Variants in CAMK2G observed in about 807,000 individuals in gnomAD.
CAMK2G encodes the protein calcium/calmodulin dependent protein kinase II gamma.
In CAMK2G, 23 loss-of-function variants were observed where a neutral mutation model predicts 88.7. The ratio of observed to expected loss-of-function variants is 0.26; its 90% CI spans 0.19 to 0.37. The LOEUF is 0.37. CAMK2G is among the 10% of genes least tolerant of loss of function. CAMK2G has a pLI of 1.00. For synonymous variants in CAMK2G, 263 were observed against 294.8 expected (o/e 0.89, Z 1.11); for missense variants, 476 against 780.8 (o/e 0.61, Z 4.65).
rs1165519031 is a variant in CAMK2G at position 73,814,026 on chromosome 10, A to G, written c.*492T>C. ...GCAAGTTCCAAAGAAGTTCATTCCTAGACCTGGGGTAAGCAGGCCACCTCA... is the reference window on the plus strand; with the variant it reads ...GCAAGTTCCAAAGAAGTTCATTCCTGGACCTGGGGTAAGCAGGCCACCTCA... On this transcript the variant is annotated 3_prime_UTR_variant, in exon 23 of 23. Coordinates refer to ENST00000423381, the MANE Select transcript of CAMK2G (RefSeq NM_001367534.1). The G allele has an allele frequency of 6.6e-6, 1 of 152,444 alleles. No individual in the cohort carries two copies. The highest frequency in any genetic ancestry group is 1.5e-5 in the Non-Finnish European group (1 of 68,040). The allele number at this position is 152,444 out of a possible 1,614,324, so 9.4% of individuals were successfully genotyped here. A position where few individuals can be genotyped will look rare whatever the true frequency, so the allele number is the denominator to read the frequency against.
chr10:73,822,793 T>A (rs1033864895), intron 17 of CAMK2G, among the ~76,000 whole-genome samples: 1 of 152,132 alleles, frequency 6.6e-6, no homozygotes, highest in Non-Finnish European at 1.5e-5. Flanking sequence ...AGATATCACC[T>A]CCTGAAAGAA....
At position 73,839,697 on chromosome 10, in the gene CAMK2G, G is replaced by T; in HGVS notation, c.947-96C>A. On this transcript the variant is annotated intron_variant, in intron 12 of 22. Coordinates refer to ENST00000423381, the MANE Select transcript of CAMK2G (RefSeq NM_001367534.1). This position sits in a 1 kb window ranked among gnomAD's most constrained non-coding sequence, Gnocchi z 4.2. The stretch of plus-strand genomic sequence containing the variant: ...CAGCGCGAGGCGCAGCCCAGGCGGC[G>T]TGGCCAAGCCAGCCGAGCTGGGGGA... 1.3e-6 allele frequency: 1 copy of T among 759,862 alleles called. No individual in the cohort carries two copies. The highest frequency in any genetic ancestry group is 1.8e-6 in the Non-Finnish European group (1 of 556,716). The allele number at this position is 759,862 out of a possible 1,614,324, so 47.1% of individuals were successfully genotyped here.
chr10:73,854,437 G>A (rs576517103), intron 3 of CAMK2G, among the ~76,000 whole-genome samples: 103 of 152,278 alleles, frequency 6.8e-4, no homozygotes, highest in Non-Finnish European at 4.1e-4. Context: ...AAACGACTCC[G>A]CTTTGGCTGA....
At chr10:73,872,257 A>G (rs929665693) in intron 2 of CAMK2G, among the ~76,000 whole-genome samples, 1 of 152,134 alleles carries the variant, frequency 6.6e-6, no homozygotes, top group African/African-American at 2.4e-5. Context: ...GGTACTTGGG[A>G]GGATCTCGCA....
Position 73,847,265 on chromosome 10 carries a change from C to T in CAMK2G, c.779G>A (p.Arg260His), listed in dbSNP as rs1219505515. Residue 260 changes from arginine (R) to histidine (H), a missense_variant, in exon 10 of 23, where the codon CGC (arginine) becomes CAC (histidine). By Grantham distance (29) the Arg-to-His change is conservative. Around this residue, in one of 3 missense-constraint regions of CAMK2G, gnomAD observed 164 missense variants for 385.6 expected, o/e 0.43. Coordinates refer to ENST00000423381, the MANE Select transcript of CAMK2G (RefSeq NM_001367534.1). ...NQMLTINPAK[R>H]ITADQALKHP... ...CTTGAGAGCCTGGTCAGCCGTGATG[C>T]GCTTTGCTGGGTTTATGGTCAGCAT... The T allele has an allele frequency of 1.9e-6, 3 of 1,614,052 alleles. No individual in the cohort carries two copies. Among genetic ancestry groups the T allele is most frequent in the Non-Finnish European group, 2.5e-6 (3 of 1,180,026 alleles).
Position 73,848,953 on chromosome 10 carries a change from C to T in CAMK2G, c.517+60G>A, listed in dbSNP as rs978062818. 9.5e-7 allele frequency: 1 copy of T among 1,055,220 alleles called. No individual in the cohort carries two copies. Among genetic ancestry groups the T allele is most frequent in the African/African-American group, 1.6e-5 (1 of 64,478 alleles). The allele number at this position is 1,055,220 out of a possible 1,614,324, so 65.4% of individuals were successfully genotyped here. On this transcript the variant is annotated intron_variant, in intron 7 of 22. Coordinates refer to ENST00000423381, the MANE Select transcript of CAMK2G (RefSeq NM_001367534.1). The surrounding 1 kb of genome is among the most constrained non-coding windows in gnomAD (Gnocchi z 4.5). ...GGCTTCTAGTTCTAATAGAGGAAGG[C>T]AGATCAGGAAGAGGAGGAAGGGCGG... is the stretch of plus-strand genomic sequence containing the variant.
At position 73,856,751 on chromosome 10, in the gene CAMK2G, C is replaced by G. The variant is rs758375117; in HGVS notation, c.221-3505G>C. ...GGAGTATAAAGCATTTACTGCATTT[C>G]AGCAACAAACCTAATTGCTGTTCTT... On this transcript the variant is annotated intron_variant, in intron 3 of 22. Coordinates refer to ENST00000423381, the MANE Select transcript of CAMK2G (RefSeq NM_001367534.1). Among the ~76,000 whole-genome samples, 4 of 152,238 alleles carry G rather than the reference C, an allele frequency of 2.6e-5. 1 individual carries two copies. The East Asian group carries it at 7.7e-4, about 29-fold the overall frequency.
intron 3 of CAMK2G, among the ~76,000 whole-genome samples, chr10:73,860,042 T>C (rs1398357714): frequency 6.6e-6 from 1 of 152,194 alleles, no homozygotes; most frequent in Non-Finnish European, 1.5e-5. Context: ...TAGGAGATGC[T>C]CCTTGCTCTG....
intron 16 of CAMK2G, 36 bp downstream of exon 16, chr10:73,825,243 A>G (rs1197634633): frequency 2.4e-5 from 36 of 1,497,034 alleles, no homozygotes; most frequent in Non-Finnish European, 3.4e-5. Context: ...GGAGGCAGCC[A>G]GGGTCAGAGG....
At chr10:73,855,266 T>C (rs1254780861) in intron 3 of CAMK2G, among the ~76,000 whole-genome samples, 1 of 152,194 alleles carries the variant, frequency 6.6e-6, no homozygotes, top group Admixed American at 6.5e-5. Context: ...GCTCCCTCGC[T>C]TCCAAAAGGA....
intron 9 of CAMK2G, among the ~76,000 whole-genome samples, 189 bp downstream of exon 9, chr10:73,847,799 A>G (rs1409173683): frequency 1.3e-5 from 2 of 152,234 alleles, no homozygotes; most frequent in Admixed American, 6.5e-5. Context: ...AGGCTGTGCA[A>G]AAGAAAGTTG....
intron 2 of CAMK2G, among the ~76,000 whole-genome samples, chr10:73,868,753 C>G (rs2095688440): frequency 6.6e-6 from 1 of 152,144 alleles, no homozygotes; most frequent in African/African-American, 2.4e-5. Flanking sequence ...GGAGATACCA[C>G]AGGGGACACA....
At chr10:73,825,731 C>T (rs2090720748) in intron 15 of CAMK2G, among the ~76,000 whole-genome samples, 1 of 152,240 alleles carries the variant, frequency 6.6e-6, no homozygotes, top group Admixed American at 6.5e-5. Flanking sequence ...AATTCAGAAA[C>T]TCTGGTCCCC....
intron 3 of CAMK2G, 74 bp from the exon 4 acceptor site, chr10:73,853,320 C>T: frequency 1.5e-6 from 2 of 1,313,992 alleles, no homozygotes; most frequent in South Asian, 2.4e-5. Context: ...CTCAGCAGCC[C>T]CACCCCTGCC....
At chr10:73,854,339 G>C (rs1243726465) in intron 3 of CAMK2G, among the ~76,000 whole-genome samples, 1 of 152,124 alleles carries the variant, frequency 6.6e-6, no homozygotes, top group Non-Finnish European at 1.5e-5. Flanking sequence ...AAACCAACCT[G>C]AAGTCTTCTG....
At position 73,842,087 on chromosome 10, in the gene CAMK2G, C is replaced by G. The variant is rs2093836205; in HGVS notation, c.946+82G>C. ...GTGTGGCCCAGGACGCCGAGGAAAC[C>G]CAGCGGTGCCCGGGATGGCAACAGC... On this transcript the variant is annotated intron_variant, in intron 12 of 22. Transcript: ENST00000423381. The surrounding 1 kb of genome is among the most constrained non-coding windows in gnomAD (Gnocchi z 4.6). The G allele has an allele frequency of 1.8e-6, 2 of 1,139,600 alleles. No individual in the cohort carries two copies. The highest frequency in any genetic ancestry group is 2.7e-6 in the Non-Finnish European group (2 of 747,262). 70.6% of individuals were successfully genotyped at this position (1,139,600 alleles called of 1,614,324 possible). A position where few individuals can be genotyped will look rare whatever the true frequency, so the allele number is the denominator to read the frequency against.
At chr10:73,820,249 GATTCCCGGGGGTCCAGCCTGCC>G in intron 18 of CAMK2G, among the ~76,000 whole-genome samples, 1 of 151,896 alleles carries the variant, frequency 6.6e-6, no homozygotes, top group Admixed American at 6.6e-5. Flanking sequence ...GCAGGACAGA[GATTCCCGGGGGTCCAGCCTGCC>G]ATGCCCTCCC....
chr10:73,858,403 C>G (rs1002756200), intron 3 of CAMK2G, among the ~76,000 whole-genome samples: 2 of 152,224 alleles, frequency 1.3e-5, no homozygotes, highest in Non-Finnish European at 2.9e-5. Flanking sequence ...ACAAAATTGC[C>G]TCCTCTCCTG....
intron 15 of CAMK2G, among the ~76,000 whole-genome samples, chr10:73,825,908 G>A (rs1312670974): frequency 1.3e-5 from 2 of 152,202 alleles, no homozygotes; most frequent in East Asian, 3.8e-4. Context: ...GACACAAAAT[G>A]CATTCACTGA....
Sources: gnomAD v4.1 joint callset for allele counts (sites outside exome capture counted in the v4.1 genomes callset) on GRCh38, gnomAD v4.1.1 for gene constraint, gnomAD v4.1.1 regional missense constraint, Gnocchi (gnomAD v3.1) non-coding constraint, MANE v1.5 for transcripts, NCBI Gene and HGNC (gene_info 2026-07-23, HGNC 2026-07-21) for gene names.